Variants in AGBL4 observed in about 807,000 individuals in gnomAD.
The protein encoded by AGBL4 is AGBL carboxypeptidase 4, also known as cytosolic carboxypeptidase 6.
In AGBL4, 58 loss-of-function variants were observed where a neutral mutation model predicts 66.4. The ratio of observed to expected loss-of-function variants is 0.87; its 90% CI spans 0.71 to 1.09. The LOEUF is 1.09. AGBL4 is among the 50% of genes least tolerant of loss of function. The pLI is 0.00. For missense variants in AGBL4, 579 were observed against 631.0 expected (o/e 0.92, Z 0.88); for synonymous variants, 234 against 222.9 (o/e 1.05, Z -0.44).
intron 3 of AGBL4, among the ~76,000 whole-genome samples, chr1:49,330,919 A>G (rs1384304425): frequency 1.3e-5 from 2 of 152,134 alleles, no homozygotes; most frequent in Admixed American, 1.3e-4. Context: ...CATGGAGAAC[A>G]GAGGAAAGCA....
chr1:49,337,723 C>G (rs1373719779), intron 3 of AGBL4, among the ~76,000 whole-genome samples: 1 of 152,192 alleles, frequency 6.6e-6, no homozygotes, highest in Admixed American at 6.5e-5. Context: ...TAGCTAGAAA[C>G]TGGATTATTC....
At chr1:48,830,301 C>T (rs1646520726) in intron 6 of AGBL4, among the ~76,000 whole-genome samples, 1 of 152,204 alleles carries the variant, frequency 6.6e-6, no homozygotes, top group African/African-American at 2.4e-5. Flanking sequence ...CATTCTTCTC[C>T]ACAGCCCTGT....
chr1:49,262,965 C>G (rs928798572), intron 3 of AGBL4, among the ~76,000 whole-genome samples: 3 of 152,144 alleles, frequency 2.0e-5, no homozygotes, highest in Non-Finnish European at 4.4e-5. Context: ...CCATGGAATA[C>G]TATGCAGCCA....
rs116002718 is a variant in AGBL4, at chr1:49,719,170, C to T, written c.158-21733G>A. On this transcript the variant is annotated intron_variant, in intron 2 of 13. Coordinates refer to ENST00000371839, the MANE Select transcript of AGBL4 (RefSeq NM_032785.4). The stretch of plus-strand genomic sequence containing the variant: ...TGGAATAGGAAATAAAGATGAAGAG[C>T]CCCTGGAAATAAAGGAGAAAAATAA... Among the ~76,000 whole-genome samples the T allele has an allele frequency of 5.3e-3, 805 of 152,092 alleles. 3 individuals carry two copies. Among genetic ancestry groups the T allele is most frequent in the Middle Eastern group, 0.017 (5 of 294 alleles).
At chr1:49,505,279 AT>A (rs1648573664) in intron 3 of AGBL4, among the ~76,000 whole-genome samples, 2 of 151,962 alleles carry the variant, frequency 1.3e-5, no homozygotes, top group African/African-American at 4.8e-5. Flanking sequence ...CTATTACAGT[AT>A]TTTAGTATTC....
chr1:48,716,973 G>A (rs184218396), intron 6 of AGBL4, among the ~76,000 whole-genome samples: 3 of 152,282 alleles, frequency 2.0e-5, no homozygotes, highest in East Asian at 1.9e-4. Flanking sequence ...GCCTTCAACC[G>A]ATCCCCGATT....
intron 3 of AGBL4, among the ~76,000 whole-genome samples, chr1:49,264,849 C>A (rs1285408234): frequency 6.6e-6 from 1 of 152,114 alleles, no homozygotes; most frequent in Non-Finnish European, 1.5e-5. Flanking sequence ...CCGGCCCTCC[C>A]AATAATTTTG....
intron 3 of AGBL4, among the ~76,000 whole-genome samples, chr1:49,402,834 T>TG (rs1645115935): frequency 6.6e-6 from 1 of 152,256 alleles, no homozygotes; most frequent in Non-Finnish European, 1.5e-5. Flanking sequence ...CCCAAAGTGC[T>TG]GGGATCACAG....
At chr1:48,681,742 T>C (rs1331772869) in intron 6 of AGBL4, among the ~76,000 whole-genome samples, 3 of 151,942 alleles carry the variant, frequency 2.0e-5, no homozygotes, top group African/African-American at 7.3e-5. Flanking sequence ...CAGCTCAGAG[T>C]AAGGCCTTGA....
chr1:49,431,727 T>G (rs1233198709), intron 3 of AGBL4, among the ~76,000 whole-genome samples: 1 of 152,174 alleles, frequency 6.6e-6, no homozygotes, highest in African/African-American at 2.4e-5. Flanking sequence ...GATTCACTTC[T>G]TTGCATTAAT....
chr1:49,063,911 A>G (rs1459842000), intron 4 of AGBL4, among the ~76,000 whole-genome samples: 2 of 152,240 alleles, frequency 1.3e-5, no homozygotes, highest in Non-Finnish European at 1.5e-5. Context: ...GCTCTTTTAC[A>G]TGCATAAAGG....
chr1:49,361,731 C>T (rs891277300), intron 3 of AGBL4, among the ~76,000 whole-genome samples: 4 of 152,058 alleles, frequency 2.6e-5, no homozygotes, highest in African/African-American at 9.7e-5. Flanking sequence ...CCTATTCATT[C>T]GCCATTTTTC....
chr1:49,936,294 A>C (rs1654006715), intron 1 of AGBL4, among the ~76,000 whole-genome samples: 1 of 152,188 alleles, frequency 6.6e-6, no homozygotes, highest in Non-Finnish European at 1.5e-5. Context: ...AGAAAAAAGA[A>C]TAAAAAGAAA....
At chr1:49,749,694 CT>C (rs1651294425) in intron 2 of AGBL4, among the ~76,000 whole-genome samples, 2 of 152,050 alleles carry the variant, frequency 1.3e-5, no homozygotes, top group African/African-American at 4.8e-5. Context: ...AGAAATAAAT[CT>C]AACAAGAGAT....
chr1:49,874,809 TTTTTG>T lies in AGBL4; in HGVS notation c.35-23296_35-23292del, dbSNP rs373648095. On this transcript the variant is annotated intron_variant, in intron 1 of 13. Coordinates refer to ENST00000371839, the MANE Select transcript of AGBL4 (RefSeq NM_032785.4). ...AACAATTTTTGTTATTTCTATTATT[TTTTTG>T]TTTTGTTTTGTTTTATTACTATTAT... is the stretch of plus-strand genomic sequence containing the variant. Among the ~76,000 whole-genome samples the T allele has an allele frequency of 6.7e-3, 1,015 of 152,204 alleles. 17 individuals are homozygous for T. The highest frequency in any genetic ancestry group is 0.024 in the African/African-American group (979 of 41,542).
intron 5 of AGBL4, among the ~76,000 whole-genome samples, chr1:48,945,860 C>T (rs1163601992): frequency 6.6e-6 from 1 of 152,146 alleles, no homozygotes; most frequent in African/African-American, 2.4e-5. Flanking sequence ...AATTACTTAA[C>T]CTCTTTGTGC....
At chr1:49,447,096 G>A (rs1646174656) in intron 3 of AGBL4, among the ~76,000 whole-genome samples, 1 of 152,168 alleles carries the variant, frequency 6.6e-6, no homozygotes, top group African/African-American at 2.4e-5. Context: ...GCAGTGGGAA[G>A]AGGGTTCTTG....
At chr1:48,782,783 A>T (rs1197107166) in intron 6 of AGBL4, among the ~76,000 whole-genome samples, 1 of 152,200 alleles carries the variant, frequency 6.6e-6, no homozygotes, top group Non-Finnish European at 1.5e-5. Flanking sequence ...CATCACCCAA[A>T]GTCCACAGTT....
chr1:49,706,866 C>A (rs1421485991), intron 2 of AGBL4, among the ~76,000 whole-genome samples: 1 of 152,132 alleles, frequency 6.6e-6, no homozygotes, highest in East Asian at 1.9e-4. Flanking sequence ...GAGTGAGTAT[C>A]TTAATCTTGA....
Sources: allele counts gnomAD v4.1 joint callset (sites outside exome capture counted in the v4.1 genomes callset), GRCh38; gene constraint gnomAD v4.1.1; transcripts MANE v1.5; gene names NCBI Gene and HGNC (gene_info 2026-07-23, HGNC 2026-07-21).